LAMA2: variants seen among roughly 807,000 people sequenced by gnomAD.
The protein encoded by LAMA2 is laminin subunit alpha-2.
In LAMA2, 269 loss-of-function variants were observed where a neutral mutation model predicts 364.8. That is an observed-to-expected ratio of 0.74 (90% CI 0.67 to 0.82). The LOEUF (loss-of-function observed/expected upper bound fraction) is 0.82. Among genes scored for constraint, LAMA2 ranks in the 40% least tolerant of loss-of-function variants. The probability of loss-of-function intolerance (pLI) is 0.00; values close to 1 mark genes in which losing one functional copy is unlikely to be tolerated. For synonymous variants in LAMA2, 1,379 were observed against 1,370.6 expected (o/e 1.01, Z -0.14); for missense variants, 3,807 against 3,873.2 (o/e 0.98, Z 0.45).
chr6:129,458,676 T>G (rs1228693250), intron 48 of LAMA2, among the ~76,000 whole-genome samples: 1 of 151,958 alleles, frequency 6.6e-6, no homozygotes, highest in Non-Finnish European at 1.5e-5. Context: ...CAACAATCTT[T>G]CTATGCGGCT....
At chr6:129,235,604 C>A (rs1257299351) in intron 12 of LAMA2, among the ~76,000 whole-genome samples, 1 of 152,142 alleles carries the variant, frequency 6.6e-6, no homozygotes, top group Non-Finnish European at 1.5e-5. Context: ...GAGGGTCTGT[C>A]TGCCTTTGTA....
At chr6:129,079,428 T>C (rs1773890245) in intron 3 of LAMA2, among the ~76,000 whole-genome samples, 1 of 152,088 alleles carries the variant, frequency 6.6e-6, no homozygotes, top group Non-Finnish European at 1.5e-5. Context: ...ACTACTATAA[T>C]TCTACTGTTA....
At chr6:129,084,346 T>C (rs1032456985) in intron 3 of LAMA2, among the ~76,000 whole-genome samples, 1 of 152,200 alleles carries the variant, frequency 6.6e-6, no homozygotes, top group African/African-American at 2.4e-5. Flanking sequence ...CTTTAAATAA[T>C]TTCATTTATG....
Position 129,480,614 on chromosome 6 carries a change from T to C in LAMA2, c.7573-649T>C, listed in dbSNP as rs538884975. On this transcript the variant is annotated intron_variant, in intron 54 of 64. Coordinates refer to ENST00000421865, the MANE Select transcript of LAMA2 (RefSeq NM_000426.4). The stretch of plus-strand genomic sequence containing the variant: ...TATATGCTTCTGCACAGCTTTGAGA[T>C]TGAGATGGGGAGCTGATTTTCTCCC... 9.2e-5 allele frequency among the ~76,000 whole-genome samples: 14 copies of C among 152,230 alleles called. No individual in the cohort carries two copies. In the South Asian group the frequency reaches 2.9e-3, roughly 32 times the overall value.
At chr6:129,483,679 T>G (rs1009220991) in intron 55 of LAMA2, among the ~76,000 whole-genome samples, 1 of 152,186 alleles carries the variant, frequency 6.6e-6, no homozygotes, top group Admixed American at 6.5e-5. Flanking sequence ...AATAGAAGAA[T>G]AGCGTAGTTG....
intron 10 of LAMA2, among the ~76,000 whole-genome samples, chr6:129,183,826 T>A (rs1385292079): frequency 6.6e-6 from 1 of 151,918 alleles, no homozygotes; most frequent in East Asian, 1.9e-4. Context: ...CTATCTTACC[T>A]CTGGTGATGA....
intron 14 of LAMA2, among the ~76,000 whole-genome samples, chr6:129,258,044 A>G (rs971611834): frequency 4.6e-5 from 7 of 152,008 alleles, no homozygotes; most frequent in Admixed American, 4.6e-4. Context: ...CCATCCATCC[A>G]TCCATTCATC....
chr6:129,439,526 T>A (rs1004613641), intron 42 of LAMA2, among the ~76,000 whole-genome samples: 11 of 152,110 alleles, frequency 7.2e-5, no homozygotes, highest in Non-Finnish European at 1.5e-4. Flanking sequence ...GCATTCTCTC[T>A]TGATAAAATT....
intron 1 of LAMA2, among the ~76,000 whole-genome samples, chr6:129,032,378 A>C (rs1365950659): frequency 6.6e-6 from 1 of 152,192 alleles, no homozygotes; most frequent in South Asian, 2.1e-4. Flanking sequence ...GAAAGCCCTC[A>C]TGGAGGAAAT....
At chr6:129,431,863 G>A (rs1230193794) in intron 41 of LAMA2, among the ~76,000 whole-genome samples, 1 of 152,160 alleles carries the variant, frequency 6.6e-6, no homozygotes, top group African/African-American at 2.4e-5. Flanking sequence ...TGAAGATTCT[G>A]AGATCATGGA....
intron 3 of LAMA2, among the ~76,000 whole-genome samples, chr6:129,088,502 C>T (rs531441884): frequency 4.0e-5 from 6 of 149,050 alleles, no homozygotes; most frequent in East Asian, 2.1e-4. Context: ...CCCTCCCAGA[C>T]GGGGTGGCTG....
intron 14 of LAMA2, among the ~76,000 whole-genome samples, chr6:129,257,900 C>G (rs1236516235): frequency 2.0e-5 from 3 of 151,954 alleles, no homozygotes; most frequent in Non-Finnish European, 4.4e-5. Flanking sequence ...TTTATTGTAT[C>G]CTTTGCCATG....
chr6:129,172,631 T>C lies in LAMA2; in HGVS notation c.1307-5075T>C, dbSNP rs1780266172. Among the ~76,000 whole-genome samples the C allele has an allele frequency of 2.0e-5, 3 of 152,202 alleles. No individual in the cohort carries two copies. In the South Asian group the frequency reaches 6.2e-4, roughly 31 times the overall value. On this transcript the variant is annotated intron_variant, in intron 9 of 64. Coordinates refer to ENST00000421865, the MANE Select transcript of LAMA2 (RefSeq NM_000426.4). ...GAGGTTACTGCTGTCTTTTTGTTTG[T>C]CTGTGCCCTGCCCCCAGAGGTGGAG... is the stretch of plus-strand genomic sequence containing the variant.
chr6:129,010,861 T>A (rs1016446320), intron 1 of LAMA2, among the ~76,000 whole-genome samples: 1 of 152,248 alleles, frequency 6.6e-6, no homozygotes, highest in Non-Finnish European at 1.5e-5. Context: ...ATGATTTTTT[T>A]ATTTAATATG....
At chr6:128,990,188 T>G (rs1783521532) in intron 1 of LAMA2, among the ~76,000 whole-genome samples, 1 of 152,262 alleles carries the variant, frequency 6.6e-6, no homozygotes, top group Non-Finnish European at 1.5e-5. Flanking sequence ...ATACACTATT[T>G]GTTTAGCTTT....
chr6:129,375,489 A>T (rs1709333838), intron 34 of LAMA2, among the ~76,000 whole-genome samples: 1 of 152,226 alleles, frequency 6.6e-6, no homozygotes. Context: ...AAGATAACCA[A>T]TGACAATCTG....
intron 3 of LAMA2, among the ~76,000 whole-genome samples, chr6:129,066,297 G>C (rs894134356): frequency 6.6e-6 from 1 of 151,298 alleles, no homozygotes; most frequent in Non-Finnish European, 1.5e-5. Flanking sequence ...CGCCCGCCTC[G>C]GCCTCCCAAA....
At chr6:129,334,145 G>A (rs531356218) in intron 29 of LAMA2, among the ~76,000 whole-genome samples, 20 of 152,280 alleles carry the variant, frequency 1.3e-4, no homozygotes, top group African/African-American at 4.6e-4. Context: ...GGAAACTGAA[G>A]CATACTGATT....
intron 13 of LAMA2, 132 bp downstream of exon 13, chr6:129,250,345 T>G: frequency 1.5e-6 from 1 of 678,252 alleles, no homozygotes; most frequent in East Asian, 2.7e-5. Flanking sequence ...CTTAGGAGAT[T>G]TTTGTGCCAC....
Sources: allele counts gnomAD v4.1 joint callset (sites outside exome capture counted in the v4.1 genomes callset), GRCh38; gene constraint gnomAD v4.1.1; transcripts MANE v1.5; gene names NCBI Gene and HGNC (gene_info 2026-07-23, HGNC 2026-07-21).